Variants in PKNOX2 observed in about 807,000 individuals in gnomAD.
PKNOX2 encodes PBX/knotted 1 homeobox 2, also known as homeobox protein PKNOX2.
Under a neutral mutation model 53.1 loss-of-function variants are expected in PKNOX2, and 14 were observed. That is an observed-to-expected ratio of 0.26 (90% CI 0.17 to 0.41). PKNOX2 has a LOEUF of 0.41. Ranked by LOEUF, PKNOX2 falls within the 10% of genes least tolerant of loss-of-function variation. The pLI, the probability that PKNOX2 is intolerant of heterozygous loss-of-function variation, is 1.00. For synonymous variants in PKNOX2, 257 were observed against 242.8 expected (o/e 1.06, Z -0.54); for missense variants, 496 against 602.8 (o/e 0.82, Z 1.85).
intron 6 of PKNOX2, among the ~76,000 whole-genome samples, chr11:125,390,603 C>T (rs1322562869): frequency 6.6e-6 from 1 of 152,240 alleles, no homozygotes; most frequent in African/African-American, 2.4e-5. Flanking sequence ...GTCTTCTTTG[C>T]TGTTTAATTC....
chr11:125,266,133 A>G lies in PKNOX2; in HGVS notation c.-130+31018A>G, dbSNP rs557835549. Among the ~76,000 whole-genome samples, 348 of 152,342 alleles carry G rather than the reference A, an allele frequency of 2.3e-3. 1 individual carries two copies. Among genetic ancestry groups the G allele is most frequent in the South Asian group, 9.3e-3 (45 of 4,822 alleles). ...TGGGTTCTCATCAGAGTTGAATGAT[A>G]TGATAAATGTGACAATGGCTGGCTT... On this transcript the variant is annotated intron_variant, in intron 2 of 12. Coordinates refer to ENST00000298282, the MANE Select transcript of PKNOX2 (RefSeq NM_001382323.2).
At chr11:125,327,652 C>T (rs1391755653) in intron 2 of PKNOX2, among the ~76,000 whole-genome samples, 1 of 152,118 alleles carries the variant, frequency 6.6e-6, no homozygotes, top group East Asian at 1.9e-4. Flanking sequence ...ATGGCCGCGG[C>T]CATCAGGGGT....
chr11:125,200,439 G>A (rs1041970828), intron 1 of PKNOX2, among the ~76,000 whole-genome samples: 20 of 152,270 alleles, frequency 1.3e-4, no homozygotes, highest in Non-Finnish European at 2.2e-4. Flanking sequence ...CCCTTCCCTC[G>A]TTTCCTCGTA....
intron 6 of PKNOX2, among the ~76,000 whole-genome samples, chr11:125,394,771 T>A (rs1043879277): frequency 6.6e-6 from 1 of 152,254 alleles, no homozygotes; most frequent in African/African-American, 2.4e-5. Context: ...TAAATGGATC[T>A]GGAAAAGCAA....
At chr11:125,419,148 G>A (rs1956038040) in intron 10 of PKNOX2, among the ~76,000 whole-genome samples, 1 of 151,942 alleles carries the variant, frequency 6.6e-6, no homozygotes, top group South Asian at 2.1e-4. Context: ...CAGGACCTGG[G>A]TTGAGTTTTC....
At chr11:125,235,897 C>A (rs896758700) in intron 2 of PKNOX2, among the ~76,000 whole-genome samples, 2 of 152,222 alleles carry the variant, frequency 1.3e-5, no homozygotes, top group African/African-American at 4.8e-5. Flanking sequence ...AGTCTGCCCA[C>A]TGCACACTCA....
intron 2 of PKNOX2, among the ~76,000 whole-genome samples, chr11:125,263,618 G>A (rs190614494): frequency 6.6e-6 from 1 of 152,384 alleles, no homozygotes; most frequent in East Asian, 1.9e-4. Flanking sequence ...ATGTGGCTGA[G>A]GAGCAGCGCG....
chr11:125,413,194 G>T (rs1955665669), intron 10 of PKNOX2, among the ~76,000 whole-genome samples: 1 of 152,242 alleles, frequency 6.6e-6, no homozygotes. Flanking sequence ...CTAATTTGGA[G>T]AGGAGGGGCT....
intron 1 of PKNOX2, among the ~76,000 whole-genome samples, chr11:125,170,310 CT>C (rs1358957789): frequency 6.6e-6 from 1 of 152,230 alleles, no homozygotes; most frequent in Admixed American, 6.5e-5. Flanking sequence ...GTCTTTAATA[CT>C]CCCTAGTCTT....
At chr11:125,238,247 A>C (rs1371446796) in intron 2 of PKNOX2, among the ~76,000 whole-genome samples, 2 of 152,140 alleles carry the variant, frequency 1.3e-5, no homozygotes, top group Non-Finnish European at 2.9e-5. Flanking sequence ...AATGGCTAAC[A>C]CCAAAGGGGA....
chr11:125,291,891 GT>G (rs1357302236), intron 2 of PKNOX2, among the ~76,000 whole-genome samples: 1 of 152,174 alleles, frequency 6.6e-6, no homozygotes, highest in Non-Finnish European at 1.5e-5. Flanking sequence ...GTAGATTAAG[GT>G]TACTAAGGGC....
chr11:125,311,104 C>A (rs991630243), intron 2 of PKNOX2, among the ~76,000 whole-genome samples: 1 of 152,116 alleles, frequency 6.6e-6, no homozygotes, highest in Non-Finnish European at 1.5e-5. Flanking sequence ...TTCTAACAGG[C>A]CCAGCCTACT....
At chr11:125,319,775 G>A (rs1172445881) in intron 2 of PKNOX2, among the ~76,000 whole-genome samples, 5 of 152,254 alleles carry the variant, frequency 3.3e-5, no homozygotes, top group Non-Finnish European at 4.4e-5. Flanking sequence ...TGAAAGCAAA[G>A]CAGGAGAAAG....
At chr11:125,399,389 C>T (rs1245468432) in intron 7 of PKNOX2, among the ~76,000 whole-genome samples, 1 of 152,188 alleles carries the variant, frequency 6.6e-6, no homozygotes, top group Admixed American at 6.5e-5. Flanking sequence ...AATTGCTCAA[C>T]GAGCATCTCG....
At chr11:125,408,484 C>T (rs1024329696) in intron 7 of PKNOX2, among the ~76,000 whole-genome samples, 7 of 152,210 alleles carry the variant, frequency 4.6e-5, no homozygotes, top group Non-Finnish European at 8.8e-5. Flanking sequence ...GGAGCCACAC[C>T]AGGAGGCCCG....
rs1941682441 is a variant in PKNOX2, at chr11:125,226,266, G to A, written c.-200-8779G>A. On this transcript the variant is annotated intron_variant, in intron 1 of 12. Transcript: ENST00000298282. ...GAATTTTAGGACTTTATGGCTGAAT[G>A]TGAACCCAGTGAGTATCTTCTCCAC... Among the ~76,000 whole-genome samples, 2 of 152,184 alleles carry A rather than the reference G, an allele frequency of 1.3e-5. 1 individual carries two copies. The highest frequency in any genetic ancestry group is 4.1e-4 in the South Asian group (2 of 4,834).
At chr11:125,173,915 G>A (rs971108462) in intron 1 of PKNOX2, among the ~76,000 whole-genome samples, 6 of 152,194 alleles carry the variant, frequency 3.9e-5, no homozygotes, top group Non-Finnish European at 4.4e-5. Context: ...GTAAGGGGAG[G>A]GCACAGGCTC....
chr11:125,165,246 C>T lies in PKNOX2; in HGVS notation c.-201+470C>T, dbSNP rs1283470413. On this transcript the variant is annotated intron_variant, in intron 1 of 12. Coordinates refer to ENST00000298282, the MANE Select transcript of PKNOX2 (RefSeq NM_001382323.2). This position sits in a 1 kb window ranked among gnomAD's most constrained non-coding sequence, Gnocchi z 4.5. ...GCCGGGCTGCGGACTCGAATCGCCG[C>T]GGGCCCAACCCCGTAGCGGGCGGGC... 5.3e-5 allele frequency among the ~76,000 whole-genome samples: 8 copies of T among 151,910 alleles called. No individual in the cohort carries two copies. Among genetic ancestry groups the T allele is most frequent in the Middle Eastern group, 6.9e-3 (2 of 290 alleles).
At chr11:125,207,425 A>C (rs1424408563) in intron 1 of PKNOX2, among the ~76,000 whole-genome samples, 1 of 152,060 alleles carries the variant, frequency 6.6e-6, no homozygotes, top group Admixed American at 6.5e-5. Flanking sequence ...CCCAGGGAGC[A>C]TGTGCAGAGC....
Sources: gnomAD v4.1 joint callset for allele counts (sites outside exome capture counted in the v4.1 genomes callset) on GRCh38, gnomAD v4.1.1 for gene constraint, Gnocchi (gnomAD v3.1) non-coding constraint, MANE v1.5 for transcripts, NCBI Gene and HGNC (gene_info 2026-07-23, HGNC 2026-07-21) for gene names.